SHC2: variants seen among roughly 807,000 people sequenced by gnomAD.
The protein encoded by SHC2 is SHC adaptor protein 2.
In SHC2, 62 loss-of-function variants were observed where a neutral mutation model predicts 60.6. The observed-to-expected ratio is 1.02, with a 90% CI of 0.83 to 1.26. SHC2 has a LOEUF of 1.26. Ranked by LOEUF, SHC2 falls within the 50% of genes most tolerant of loss-of-function variation. The pLI, the probability that SHC2 is intolerant of heterozygous loss-of-function variation, is 0.00. For missense variants in SHC2, 873 were observed against 822.2 expected, an observed-to-expected ratio of 1.06 and a Z score of -0.76; for synonymous variants, 375 against 372.4, an observed-to-expected ratio of 1.01 and a Z score of -0.08.
intron 1 of SHC2, among the ~76,000 whole-genome samples, chr19:457,642 C>T (rs1439969878): frequency 2.0e-5 from 3 of 152,128 alleles, no homozygotes; most frequent in African/African-American, 4.8e-5. Flanking sequence ...GCAGGGGAAG[C>T]GTATGCTAAA....
intron 1 of SHC2, among the ~76,000 whole-genome samples, chr19:442,513 G>A (rs1469520593): frequency 9.1e-5 from 9 of 99,424 alleles, no homozygotes; most frequent in Admixed American, 1.0e-4. Flanking sequence ...ACGGATGGAT[G>A]GATGGATGGG....
chr19:418,833 C>G, intron 12 of SHC2, 90 bp downstream of exon 12: 1 of 1,435,080 alleles, frequency 7.0e-7, no homozygotes, highest in Non-Finnish European at 9.3e-7. Context: ...GAGGGAAAGG[C>G]ACGGCACGTG....
chr19:459,738 G>GCCGGGAGGAGCTGGGAGCACCCA (rs1174045033), intron 1 of SHC2, among the ~76,000 whole-genome samples: 2 of 152,220 alleles, frequency 1.3e-5, no homozygotes, highest in African/African-American at 4.8e-5. Flanking sequence ...GGCCGCAGAG[G>GCCGGGAGGAGCTGGGAGCACCCA]CCGGGAGGAG....
In SHC2 at chr19:435,483, C is replaced by T. The variant is rs1568288127; in HGVS notation, c.954-618G>A. On this transcript the variant is annotated intron_variant, in intron 7 of 12. Transcript: ENST00000264554. ...GCACAAAGGGGTGAGTGTGAGCAGG[C>T]GTGCGATGCCGCCTCCCTCGTGACC... is the stretch of plus-strand genomic sequence containing the variant. Among the ~76,000 whole-genome samples, 6 of 152,358 alleles carry T rather than the reference C, an allele frequency of 3.9e-5. 1 individual carries two copies. The South Asian group carries it at 1.0e-3, about 26-fold the overall frequency.
At chr19:439,238 G>A in intron 2 of SHC2, 1 of 565,702 alleles carries the variant, frequency 1.8e-6, no homozygotes, top group South Asian at 2.1e-5. Flanking sequence ...GGAACCTGGG[G>A]GAGGAGTGCC....
chr19:437,148 T>G (rs1974742656), intron 4 of SHC2, among the ~76,000 whole-genome samples: 2 of 152,160 alleles, frequency 1.3e-5, no homozygotes, highest in South Asian at 2.1e-4. Context: ...GCATGCTCAT[T>G]TGTATGCTTG....
intron 10 of SHC2, among the ~76,000 whole-genome samples, chr19:423,913 C>T (rs1331632353): frequency 6.6e-6 from 1 of 152,214 alleles, no homozygotes; most frequent in African/African-American, 2.4e-5. Flanking sequence ...GAGCCCCAAG[C>T]CCCTCCTTTC....
At chr19:430,839 G>A in intron 8 of SHC2, 92 bp from the exon 9 acceptor site, 1 of 1,194,590 alleles carries the variant, frequency 8.4e-7, no homozygotes, top group East Asian at 2.5e-5. Context: ...CCTCTTAGAT[G>A]GCTGGAGACT....
At chr19:439,347 T>G in intron 2 of SHC2, 4 of 425,826 alleles carry the variant, frequency 9.4e-6, no homozygotes, top group Non-Finnish European at 1.7e-5. Context: ...ACCACCCTCT[T>G]TCCCAGGGAC....
chr19:446,464 C>G lies in SHC2; in HGVS notation c.469-5532G>C, dbSNP rs982259027. ...TAGCTGGGATTACAGGCGCCCACTA[C>G]CACGCCCGGCTAATTTTTGTATTTT... On this transcript the variant is annotated intron_variant, in intron 1 of 12. Coordinates refer to ENST00000264554, the MANE Select transcript of SHC2 (RefSeq NM_012435.3). The surrounding 1 kb of genome is among the most constrained non-coding windows in gnomAD (Gnocchi z 5.4). Among the ~76,000 whole-genome samples, 150 of 152,240 alleles carry G rather than the reference C, an allele frequency of 9.9e-4. No homozygotes were observed. Among genetic ancestry groups the G allele is most frequent in the African/African-American group, 3.5e-3 (146 of 41,544 alleles).
chr19:438,658 T>G lies in SHC2; in HGVS notation c.720+60A>C, dbSNP rs1974775589. On this transcript the variant is annotated intron_variant, in intron 4 of 12. Transcript: ENST00000264554. The surrounding 1 kb of genome is among the most constrained non-coding windows in gnomAD (Gnocchi z 5.0). ...CCCCAGCACCCCACCTGGCTTTGCC[T>G]CCTAGGACTCCTGGCCCCTCTGGGG... 1 of 1,529,740 alleles carries G rather than the reference T, an allele frequency of 6.5e-7. No homozygotes were observed. 94.8% of individuals were successfully genotyped at this position (1,529,740 alleles called of 1,614,324 possible).
In SHC2 at chr19:440,314, C is replaced by T. The variant is rs568011868; in HGVS notation, c.539+548G>A. Among the ~76,000 whole-genome samples, 18 of 152,150 alleles carry T rather than the reference C, an allele frequency of 1.2e-4. No homozygotes were observed. Among genetic ancestry groups the T allele is most frequent in the African/African-American group, 3.6e-4 (15 of 41,502 alleles). ...GGTGATCGTGTGACTCTGTGAAGAGCCTAAAGTCTCAAACTGTACATTATA... is the reference window on the plus strand; with the variant it reads ...GGTGATCGTGTGACTCTGTGAAGAGTCTAAAGTCTCAAACTGTACATTATA... On this transcript the variant is annotated intron_variant, in intron 2 of 12. Transcript: ENST00000264554. The surrounding 1 kb of genome is among the most constrained non-coding windows in gnomAD (Gnocchi z 7.0).
chr19:460,372 G>A (rs1975511639), intron 1 of SHC2, among the ~76,000 whole-genome samples, 157 bp downstream of exon 1: 1 of 151,812 alleles, frequency 6.6e-6, no homozygotes, highest in Non-Finnish European at 1.5e-5. Context: ...GGGGGCAGCC[G>A]CCGGCCGCCG....
In SHC2 at chr19:441,364, C is replaced by T. The variant is rs1974863188; in HGVS notation, c.469-432G>A. On this transcript the variant is annotated intron_variant, in intron 1 of 12. Coordinates refer to ENST00000264554, the MANE Select transcript of SHC2 (RefSeq NM_012435.3). The surrounding 1 kb of genome is among the most constrained non-coding windows in gnomAD (Gnocchi z 4.9). ...CGTCCAGGGCAGCCACAGATGCACA[C>T]ACTGCTGGCCTCGCCCTCCACAGGA... The T allele has an allele frequency of 6.4e-6, 1 of 155,718 alleles. No individual in the cohort carries two copies. Among genetic ancestry groups the T allele is most frequent in the African/African-American group, 2.4e-5 (1 of 41,478 alleles). 9.6% of individuals were successfully genotyped at this position (155,718 alleles called of 1,614,324 possible).
At chr19:459,387 C>A (rs1453026656) in intron 1 of SHC2, among the ~76,000 whole-genome samples, 1 of 129,230 alleles carries the variant, frequency 7.7e-6, no homozygotes, top group South Asian at 2.6e-4. Context: ...CTGAAGCCAG[C>A]GTAGGGGGAA....
At chr19:421,305 C>T (rs74556629) in intron 11 of SHC2, among the ~76,000 whole-genome samples, 5,066 of 149,584 alleles carry the variant, frequency 0.034, 292 homozygotes, top group East Asian at 0.23. Context: ...GAAGCTGAGG[C>T]GGGAGAATCG....
chr19:443,745 G>A (rs1974976014), intron 1 of SHC2, among the ~76,000 whole-genome samples: 1 of 149,840 alleles, frequency 6.7e-6, no homozygotes, highest in African/African-American at 2.5e-5. Flanking sequence ...TGGATGGATG[G>A]ACGGATGGTT....
At chr19:420,679 T>C (rs1412536916) in intron 11 of SHC2, among the ~76,000 whole-genome samples, 1 of 152,176 alleles carries the variant, frequency 6.6e-6, no homozygotes, top group Non-Finnish European at 1.5e-5. Context: ...GCACTTCAAA[T>C]ATGCAATTGA....
chr19:442,511 A>G (rs1405973876), intron 1 of SHC2, among the ~76,000 whole-genome samples: 7 of 58,550 alleles, frequency 1.2e-4, no homozygotes, highest in Non-Finnish European at 1.6e-4. Flanking sequence ...GGACGGATGG[A>G]TGGATGGATG....
Sources: gnomAD v4.1 joint callset for allele counts (sites outside exome capture counted in the v4.1 genomes callset) on GRCh38, gnomAD v4.1.1 for gene constraint, Gnocchi (gnomAD v3.1) non-coding constraint, MANE v1.5 for transcripts, NCBI Gene and HGNC (gene_info 2026-07-23, HGNC 2026-07-21) for gene names.